The following HERC2 variants were observed in gnomAD, a reference collection of about 807,000 sequenced individuals.
The protein encoded by HERC2 is E3 ubiquitin-protein ligase HERC2.
Under a neutral mutation model 537.7 loss-of-function variants are expected in HERC2, and 102 were observed. The ratio of observed to expected loss-of-function variants is 0.19; its 90% CI spans 0.16 to 0.22. The LOEUF (loss-of-function observed/expected upper bound fraction) is 0.22. Among genes scored for constraint, HERC2 ranks in the 10% least tolerant of loss-of-function variants. HERC2 has a pLI of 1.00. For missense variants in HERC2, 4,236 were observed against 6,198.2 expected, an observed-to-expected ratio of 0.68 and a Z score of 10.63; for synonymous variants, 2,224 against 2,466.2, an observed-to-expected ratio of 0.90 and a Z score of 2.91.
Position 28,308,462 on chromosome 15 carries a change from G to A in HERC2, c.73-8946C>T, listed in dbSNP as rs534741504. ...AATCATTTTCTTGTGGAGTCTTTAGGTTTTTCCAAATATAAGATCATATCA... is the reference window on the plus strand; with the variant it reads ...AATCATTTTCTTGTGGAGTCTTTAGATTTTTCCAAATATAAGATCATATCA... On this transcript the variant is annotated intron_variant, in intron 2 of 92. Coordinates refer to ENST00000261609, the MANE Select transcript of HERC2 (RefSeq NM_004667.6). 2.6e-4 allele frequency among the ~76,000 whole-genome samples: 39 copies of A among 152,276 alleles called. 1 individual carries two copies. The South Asian group carries it at 7.7e-3, about 30-fold the overall frequency.
chr15:28,307,152 C>G (rs1479305142), intron 2 of HERC2, among the ~76,000 whole-genome samples: 3 of 152,172 alleles, frequency 2.0e-5, no homozygotes, highest in Non-Finnish European at 4.4e-5. Flanking sequence ...TTATCTATTT[C>G]TTCCACGTTT....
chr15:28,210,496 G>T (rs777994357), intron 44 of HERC2, among the ~76,000 whole-genome samples: 5 of 152,172 alleles, frequency 3.3e-5, no homozygotes, highest in Admixed American at 1.3e-4. Context: ...ATGACTTGCT[G>T]GGCCAAAGTA....
intron 2 of HERC2, among the ~76,000 whole-genome samples, chr15:28,311,706 G>A (rs2076950302): frequency 6.6e-6 from 1 of 151,906 alleles, no homozygotes. Context: ...TCAACAAATG[G>A]ACTGTAGGTG....
rs1468789050 is a variant in HERC2, at chr15:28,196,668, T to C, written c.8012-99A>G. 6.0e-6 allele frequency: 4 copies of C among 664,396 alleles called. No homozygotes were observed. In the African/African-American group the frequency reaches 7.2e-5, roughly 12 times the overall value. 41.2% of individuals were successfully genotyped at this position (664,396 alleles called of 1,614,324 possible). A position where few individuals can be genotyped will look rare whatever the true frequency, so the allele number is the denominator to read the frequency against. On this transcript the variant is annotated intron_variant, in intron 50 of 92. Transcript: ENST00000261609. ...GCCATGTCATACTACATTGTAGTTATTTGTTTTTTACAAAGAGTCTACCTT... is the reference window on the plus strand; with the variant it reads ...GCCATGTCATACTACATTGTAGTTACTTGTTTTTTACAAAGAGTCTACCTT...
intron 69 of HERC2, among the ~76,000 whole-genome samples, chr15:28,156,014 T>C (rs1333931266): frequency 6.6e-6 from 1 of 152,236 alleles, no homozygotes; most frequent in Non-Finnish European, 1.5e-5. Flanking sequence ...ATTTGTTGAA[T>C]AGGGAATCCT....
intron 78 of HERC2, among the ~76,000 whole-genome samples, chr15:28,136,608 A>G (rs1224619687): frequency 2.6e-5 from 4 of 151,254 alleles, no homozygotes; most frequent in South Asian, 4.1e-4. Flanking sequence ...CTGAGAATTC[A>G]TAACTACAAC....
At chr15:28,153,374 T>G (rs1892655315) in intron 69 of HERC2, among the ~76,000 whole-genome samples, 1 of 151,008 alleles carries the variant, frequency 6.6e-6, no homozygotes, top group African/African-American at 2.4e-5. Context: ...AGTCATTGGG[T>G]GGAGCGCAGT....
chr15:28,262,670 C>CAGTGTTTGTAA (rs72332871), intron 15 of HERC2, among the ~76,000 whole-genome samples: 33,526 of 152,108 alleles, frequency 0.22, 7,319 homozygotes, highest in African/African-American at 0.55. Flanking sequence ...CACAGAAAGT[C>CAGTGTTTGTAA]AACTCAACAG....
At chr15:28,132,877 A>G in intron 79 of HERC2, 47 bp from the exon 80 acceptor site, 2 of 1,432,874 alleles carry the variant, frequency 1.4e-6, no homozygotes, top group Non-Finnish European at 1.9e-6. Context: ...TTTATTCTTA[A>G]ACATTTTTCA....
intron 69 of HERC2, among the ~76,000 whole-genome samples, chr15:28,158,881 T>A (rs1389228186): frequency 6.6e-6 from 1 of 152,228 alleles, no homozygotes; most frequent in Non-Finnish European, 1.5e-5. Context: ...GTACCGGTTG[T>A]TCCTTTCCAT....
chr15:28,267,052 A>G (rs1746389212), intron 12 of HERC2, among the ~76,000 whole-genome samples: 1 of 152,240 alleles, frequency 6.6e-6, no homozygotes, highest in African/African-American at 2.4e-5. Flanking sequence ...TACTAGTTGA[A>G]GAAATTTCAA....
rs776601157 is a variant in HERC2 at position 28,163,105 on chromosome 15, C to G, written c.10735G>C (p.Ala3579Pro). Residue 3579 changes from alanine to proline, a missense_variant, in exon 69 of 93, where the codon GCC becomes CCC. By Grantham distance (27) the Ala-to-Pro change is conservative. This residue lies in a region of HERC2 where 356 missense variants were observed against 450.9 expected (regional missense o/e 0.79). Transcript: ENST00000261609. ...TCCCTGAGACTCACCTGTGGGTAGG[C>G]GGTCCCCATGCCGGAAAGCACCGCG... Reference protein sequence around the residue: ...LSAVLSGMGTAYPQVADMLLE... With the variant: ...LSAVLSGMGTPYPQVADMLLE... The G allele has an allele frequency of 6.2e-7, 1 of 1,609,232 alleles. No individual in the cohort carries two copies. The highest frequency in any genetic ancestry group is 1.7e-5 in the Admixed American group (1 of 59,928).
rs974677289 is a variant in HERC2, at chr15:28,177,322, A to C, written c.9254+97T>G. ...AATTTTGTTTAAGAACCATTTCTATAATCTATTCTATTCTAATTTTCTGCA... is the reference window on the plus strand; with the variant it reads ...AATTTTGTTTAAGAACCATTTCTATCATCTATTCTATTCTAATTTTCTGCA... On this transcript the variant is annotated intron_variant, in intron 60 of 92. Transcript: ENST00000261609. The surrounding 1 kb of genome is among the most constrained non-coding windows in gnomAD (Gnocchi z 5.0). 21 of 1,363,624 alleles carry C rather than the reference A, an allele frequency of 1.5e-5. No homozygotes were observed. Among genetic ancestry groups the C allele is most frequent in the African/African-American group, 2.9e-5 (2 of 68,470 alleles). 84.5% of individuals were successfully genotyped at this position (1,363,624 alleles called of 1,614,324 possible). A position where few individuals can be genotyped will look rare whatever the true frequency, so the allele number is the denominator to read the frequency against.
At chr15:28,290,678 C>G (rs1462492584) in intron 4 of HERC2, among the ~76,000 whole-genome samples, 11 of 152,066 alleles carry the variant, frequency 7.2e-5, no homozygotes, top group Non-Finnish European at 1.5e-4. Flanking sequence ...TCCCCAAATA[C>G]TTGGAAATGA....
intron 50 of HERC2, among the ~76,000 whole-genome samples, chr15:28,197,924 C>T (rs1413531234): frequency 6.6e-6 from 1 of 152,188 alleles, no homozygotes; most frequent in Non-Finnish European, 1.5e-5. Flanking sequence ...TGAGTCTAAT[C>T]CAAACCACAA....
chr15:28,130,077 C>G, intron 83 of HERC2, 86 bp downstream of exon 83: 2 of 1,529,548 alleles, frequency 1.3e-6, no homozygotes, highest in Non-Finnish European at 1.8e-6. Context: ...CTGGCCTGTG[C>G]CCCCTTTTAA....
At chr15:28,136,283 G>T (rs1405316048) in intron 78 of HERC2, among the ~76,000 whole-genome samples, 2 of 152,026 alleles carry the variant, frequency 1.3e-5, no homozygotes, top group Non-Finnish European at 2.9e-5. Flanking sequence ...CTTAAATGCT[G>T]TTCCATGCTG....
intron 88 of HERC2, among the ~76,000 whole-genome samples, chr15:28,116,147 G>A (rs1888215998): frequency 1.3e-5 from 2 of 152,146 alleles, no homozygotes; most frequent in Admixed American, 6.5e-5. Context: ...TGCTAGGCAC[G>A]GAAGTCAACA....
intron 69 of HERC2, among the ~76,000 whole-genome samples, chr15:28,154,846 ATGT>A (rs1297667310): frequency 1.3e-5 from 2 of 151,952 alleles, no homozygotes; most frequent in East Asian, 1.9e-4. Flanking sequence ...CACATGTGCC[ATGT>A]TGTTGTGCTG....
Sources: allele counts gnomAD v4.1 joint callset (sites outside exome capture counted in the v4.1 genomes callset), GRCh38; gene constraint gnomAD v4.1.1; regional missense constraint gnomAD v4.1.1; non-coding constraint Gnocchi (gnomAD v3.1); transcripts MANE v1.5; gene names NCBI Gene and HGNC (gene_info 2026-07-23, HGNC 2026-07-21).